AFG2A: variants seen among roughly 807,000 people sequenced by gnomAD.
AFG2A encodes ATPase family gene 2 protein homolog A.
the AFG2A span, among the ~76,000 whole-genome samples, chr4:123,058,451 G>T: frequency 6.6e-6 from 1 of 152,058 alleles, no homozygotes; most frequent in Admixed American, 6.6e-5. Context: ...ATGGTGAAAC[G>T]CTGTCTCTAC....
chr4:123,084,193 C>G, the AFG2A span, among the ~76,000 whole-genome samples: 3 of 151,818 alleles, frequency 2.0e-5, no homozygotes, highest in Admixed American at 1.3e-4. Context: ...TGTCTTTTCT[C>G]TTTTTTTCGT....
chr4:123,235,587 T>C, the AFG2A span, among the ~76,000 whole-genome samples: 3 of 152,158 alleles, frequency 2.0e-5, no homozygotes, highest in African/African-American at 7.2e-5. Flanking sequence ...ATAGAATAAG[T>C]GTAGTATGGA....
At chr4:123,082,967 T>C in the AFG2A span, among the ~76,000 whole-genome samples, 135,270 of 152,130 alleles carry the variant, frequency 0.89, 60,648 homozygotes, top group East Asian at 0.98. Flanking sequence ...TTTTTAATTG[T>C]TGATATATAA....
chr4:123,047,399 T>TC, the AFG2A span, among the ~76,000 whole-genome samples: 1 of 151,738 alleles, frequency 6.6e-6, no homozygotes, highest in Non-Finnish European at 1.5e-5. Context: ...TTTTGCGCAT[T>TC]TTTTTATTGG....
At chr4:123,111,087 G>A in the AFG2A span, among the ~76,000 whole-genome samples, 2 of 152,206 alleles carry the variant, frequency 1.3e-5, no homozygotes, top group Admixed American at 6.5e-5. Context: ...ATGGCTTGCT[G>A]ATTCCGTGGA....
the AFG2A span, among the ~76,000 whole-genome samples, chr4:123,220,486 C>T: frequency 6.6e-5 from 10 of 151,168 alleles, no homozygotes; most frequent in East Asian, 2.0e-4. Flanking sequence ...TGGTGGTGCA[C>T]GCCTGTAATC....
the AFG2A span, among the ~76,000 whole-genome samples, chr4:123,177,757 G>A: frequency 0.086 from 13,024 of 151,996 alleles, 1,581 homozygotes; most frequent in African/African-American, 0.27. Flanking sequence ...TCTGTCTCCC[G>A]GGGTCCTCAT....
At chr4:122,978,640 C>CA in the AFG2A span, among the ~76,000 whole-genome samples, 1 of 152,186 alleles carries the variant, frequency 6.6e-6, no homozygotes, top group Non-Finnish European at 1.5e-5. Context: ...CTGCTGCCAT[C>CA]AATCATGTCG....
chr4:122,929,715 A>G, the AFG2A span, among the ~76,000 whole-genome samples: 1 of 151,414 alleles, frequency 6.6e-6, no homozygotes, highest in African/African-American at 2.4e-5. Context: ...AAAAAAAGTT[A>G]CCAATAAGAT....
the AFG2A span, among the ~76,000 whole-genome samples, chr4:122,943,869 G>A: frequency 2.6e-5 from 4 of 151,908 alleles, no homozygotes; most frequent in African/African-American, 4.8e-5. Context: ...TGTCTGTAAA[G>A]TATTTTATTT....
the AFG2A span, chr4:123,316,297 T>C: frequency 1.3e-5 from 2 of 152,150 alleles, no homozygotes; most frequent in Admixed American, 1.3e-4. Context: ...TTAAATAATA[T>C]TTAAGAATTA....
At chr4:122,995,600 T>G in the AFG2A span, among the ~76,000 whole-genome samples, 6 of 152,316 alleles carry the variant, frequency 3.9e-5, no homozygotes, top group Admixed American at 6.5e-5. Flanking sequence ...ATGGGAGAGA[T>G]AGCAAAAGTT....
chr4:123,269,767 CTT>C, the AFG2A span, among the ~76,000 whole-genome samples: 6 of 149,284 alleles, frequency 4.0e-5, no homozygotes, highest in Admixed American at 1.3e-4. Flanking sequence ...CTTAATGCAT[CTT>C]TTCTTTTTCC....
chr4:123,313,053 A>G, the AFG2A span, among the ~76,000 whole-genome samples: 1 of 152,134 alleles, frequency 6.6e-6, no homozygotes, highest in African/African-American at 2.4e-5. Flanking sequence ...TTTTCATCCC[A>G]CAAGCTCTTT....
At chr4:123,313,792 G>T in the AFG2A span, 1 of 1,184,146 alleles carries the variant, frequency 8.4e-7, no homozygotes, top group South Asian at 2.0e-5. Context: ...TTTAGTTGTA[G>T]AAGGTACCAC....
At chr4:123,048,067 C>T in the AFG2A span, among the ~76,000 whole-genome samples, 1 of 152,090 alleles carries the variant, frequency 6.6e-6, no homozygotes, top group Non-Finnish European at 1.5e-5. Context: ...TTAGTTTCAT[C>T]CTTCTGCATA....
chr4:123,006,104 G>GTT, the AFG2A span, among the ~76,000 whole-genome samples: 63,607 of 148,398 alleles, frequency 0.43, 16,273 homozygotes, highest in Non-Finnish European at 0.57. Context: ...AACTTCTTCA[G>GTT]TTTTTTTTTT....
At chr4:122,953,830 T>C in the AFG2A span, among the ~76,000 whole-genome samples, 1 of 152,244 alleles carries the variant, frequency 6.6e-6, no homozygotes, top group Non-Finnish European at 1.5e-5. Flanking sequence ...CCTTTGCCTA[T>C]GCAGTTTCTC....
chr4:123,042,579 T>G, the AFG2A span, among the ~76,000 whole-genome samples: 254 of 152,334 alleles, frequency 1.7e-3, 1 homozygote, highest in Middle Eastern at 3.4e-3. Context: ...CTTGAAAGAT[T>G]TGTTAATGTC....
Sources: gnomAD v4.1 joint callset for allele counts (sites outside exome capture counted in the v4.1 genomes callset) on GRCh38, gnomAD v4.1.1 for gene constraint, MANE v1.5 for transcripts, NCBI Gene and HGNC (gene_info 2026-07-23, HGNC 2026-07-21) for gene names.